Variants in GPC5 observed in about 807,000 individuals in gnomAD.
The protein encoded by GPC5 is glypican-5.
GPC5 carries 47 observed loss-of-function variants against 53.9 expected under a neutral mutation model. The ratio of observed to expected loss-of-function variants is 0.87; its 90% CI spans 0.69 to 1.11. The LOEUF (loss-of-function observed/expected upper bound fraction) is 1.11, where lower values mean the gene tolerates loss of function less well. Among genes scored for constraint, GPC5 ranks in the 50% most tolerant of loss-of-function variants. The pLI, the probability that GPC5 is intolerant of heterozygous loss-of-function variation, is 0.00. For synonymous variants in GPC5, 286 were observed against 263.3 expected (o/e 1.09, Z -0.84); for missense variants, 748 against 713.1 (o/e 1.05, Z -0.56).
intron 7 of GPC5, among the ~76,000 whole-genome samples, chr13:92,333,724 C>T (rs1455083416): frequency 2.6e-5 from 4 of 151,992 alleles, no homozygotes; most frequent in African/African-American, 9.7e-5. Context: ...GTCCAGTTAT[C>T]AAGAAAGAAT....
At chr13:92,472,945 T>C (rs1878967135) in intron 7 of GPC5, among the ~76,000 whole-genome samples, 1 of 152,254 alleles carries the variant, frequency 6.6e-6, no homozygotes, top group African/African-American at 2.4e-5. Context: ...TTATTTATGA[T>C]TGGCTTTTGA....
At chr13:91,428,882 T>G (rs1879239951) in intron 1 of GPC5, among the ~76,000 whole-genome samples, 1 of 152,142 alleles carries the variant, frequency 6.6e-6, no homozygotes, top group Non-Finnish European at 1.5e-5. Context: ...ATAGTATATT[T>G]AAAAATCTAT....
intron 5 of GPC5, among the ~76,000 whole-genome samples, chr13:91,786,704 G>A (rs1471452664): frequency 1.3e-5 from 2 of 152,080 alleles, no homozygotes; most frequent in East Asian, 3.9e-4. Context: ...TTTATGTCAA[G>A]AATCCCTTTC....
At chr13:92,704,864 G>A (rs924872755) in intron 7 of GPC5, among the ~76,000 whole-genome samples, 1 of 149,410 alleles carries the variant, frequency 6.7e-6, no homozygotes. Flanking sequence ...ATATATGAGT[G>A]TATATATATA....
chr13:91,951,347 G>A (rs1344304542), intron 6 of GPC5, among the ~76,000 whole-genome samples: 2 of 152,116 alleles, frequency 1.3e-5, no homozygotes, highest in Non-Finnish European at 2.9e-5. Flanking sequence ...ATATATGCAT[G>A]TGTGTGTGAA....
At chr13:92,690,588 A>C (rs1887353104) in intron 7 of GPC5, among the ~76,000 whole-genome samples, 1 of 144,078 alleles carries the variant, frequency 6.9e-6, no homozygotes, top group Non-Finnish European at 1.5e-5. Context: ...TTCTCCATCC[A>C]GCTTTGTTCT....
chr13:92,860,078 C>T lies in GPC5; in HGVS notation c.1562-6204C>T, dbSNP rs1229413831. 2.6e-5 allele frequency among the ~76,000 whole-genome samples: 4 copies of T among 152,088 alleles called. No individual in the cohort carries two copies. The East Asian group carries it at 7.7e-4, about 29-fold the overall frequency. On this transcript the variant is annotated intron_variant, in intron 7 of 7. Coordinates refer to ENST00000377067, the MANE Select transcript of GPC5 (RefSeq NM_004466.6). ...AGCTATAATTTCAAAATAAATTATACTATTTTACCTTAATCTTTGGTTTAC... is the reference window on the plus strand; with the variant it reads ...AGCTATAATTTCAAAATAAATTATATTATTTTACCTTAATCTTTGGTTTAC...
chr13:92,377,107 A>C (rs1191015336), intron 7 of GPC5, among the ~76,000 whole-genome samples: 1 of 152,186 alleles, frequency 6.6e-6, no homozygotes, highest in Non-Finnish European at 1.5e-5. Context: ...TAGTTCCTGA[A>C]TCAATGCCAC....
chr13:92,850,823 A>G (rs1878770699), intron 7 of GPC5, among the ~76,000 whole-genome samples: 2 of 152,250 alleles, frequency 1.3e-5, no homozygotes, highest in South Asian at 4.1e-4. Flanking sequence ...AGTTGAGGGT[A>G]AAAGTAAAAG....
chr13:91,762,516 G>T (rs1033576470), intron 5 of GPC5, among the ~76,000 whole-genome samples: 1 of 151,086 alleles, frequency 6.6e-6, no homozygotes, highest in African/African-American at 2.4e-5. Flanking sequence ...ACAACTGGTT[G>T]CTTTTCCTAT....
intron 1 of GPC5, among the ~76,000 whole-genome samples, chr13:91,445,754 C>T (rs760943147): frequency 1.3e-5 from 2 of 152,144 alleles, no homozygotes; most frequent in Non-Finnish European, 2.9e-5. Context: ...GGATTACAGG[C>T]ATGAGCCACC....
chr13:91,953,004 A>G (rs2139062844), intron 6 of GPC5, among the ~76,000 whole-genome samples: 1 of 152,284 alleles, frequency 6.6e-6, no homozygotes, highest in African/African-American at 2.4e-5. Flanking sequence ...ACAAAAAGAT[A>G]ACTTGGTGTC....
intron 6 of GPC5, among the ~76,000 whole-genome samples, chr13:91,969,844 T>TAA (rs1431067629): frequency 6.6e-6 from 1 of 152,090 alleles, no homozygotes; most frequent in Non-Finnish European, 1.5e-5. Flanking sequence ...ATATCTGTTG[T>TAA]ACAAAAAAAC....
At chr13:92,264,178 A>G (rs1313408779) in intron 7 of GPC5, among the ~76,000 whole-genome samples, 9 of 152,116 alleles carry the variant, frequency 5.9e-5, no homozygotes, top group Admixed American at 5.9e-4. Flanking sequence ...TCCCTTTTGT[A>G]TGCTAGTCTA....
intron 2 of GPC5, among the ~76,000 whole-genome samples, chr13:91,628,116 CTATT>C (rs1466350700): frequency 6.6e-6 from 1 of 151,988 alleles, no homozygotes; most frequent in Non-Finnish European, 1.5e-5. Flanking sequence ...ATGAAGTTAA[CTATT>C]TGTTTTGGTG....
At chr13:92,843,269 A>C (rs1306628494) in intron 7 of GPC5, among the ~76,000 whole-genome samples, 1 of 152,136 alleles carries the variant, frequency 6.6e-6, no homozygotes, top group Non-Finnish European at 1.5e-5. Context: ...TCCTTTTATT[A>C]AACAGTAAAT....
intron 2 of GPC5, among the ~76,000 whole-genome samples, chr13:91,673,333 T>C (rs1051661159): frequency 6.6e-6 from 1 of 152,188 alleles, no homozygotes; most frequent in Non-Finnish European, 1.5e-5. Flanking sequence ...AAAGGAATTA[T>C]ATATAACATT....
chr13:92,203,815 A>G (rs981647945), intron 7 of GPC5, among the ~76,000 whole-genome samples: 1 of 151,580 alleles, frequency 6.6e-6, no homozygotes, highest in African/African-American at 2.4e-5. Flanking sequence ...GAATAAATAA[A>G]AAGACAATCA....
chr13:91,759,591 T>C (rs2148531), intron 5 of GPC5, among the ~76,000 whole-genome samples: 53,365 of 151,986 alleles, frequency 0.35, 10,796 homozygotes, highest in South Asian at 0.64. Context: ...ATTGTTTTAA[T>C]TTTTAGCTCC....
Sources: gnomAD v4.1 joint callset for allele counts (sites outside exome capture counted in the v4.1 genomes callset) on GRCh38, gnomAD v4.1.1 for gene constraint, MANE v1.5 for transcripts, NCBI Gene and HGNC (gene_info 2026-07-23, HGNC 2026-07-21) for gene names.